Variants in CALN1 observed in about 807,000 individuals in gnomAD.
CALN1 encodes calcium-binding protein 8.
In CALN1, 17 loss-of-function variants were observed where a neutral mutation model predicts 30.6. The observed-to-expected ratio is 0.56, with a 90% CI of 0.38 to 0.83. CALN1 has a LOEUF of 0.83. Among genes scored for constraint, CALN1 ranks in the 40% least tolerant of loss-of-function variants. The pLI, the probability that CALN1 is intolerant of heterozygous loss-of-function variation, is 0.00. For missense variants in CALN1, 291 were observed against 354.9 expected (o/e 0.82, Z 1.45); for synonymous variants, 156 against 131.4 (o/e 1.19, Z -1.28).
At chr7:72,461,367 G>A in the CALN1 span, among the ~76,000 whole-genome samples, 2 of 152,138 alleles carry the variant, frequency 1.3e-5, no homozygotes, top group African/African-American at 4.8e-5. Flanking sequence ...TATGTTCATT[G>A]CAACACTATG....
intron 3 of CALN1, among the ~76,000 whole-genome samples, chr7:72,192,642 T>C (rs1790693047): frequency 2.5e-5 from 1 of 40,816 alleles, no homozygotes; most frequent in Non-Finnish European, 3.6e-5. Flanking sequence ...TTATTATTAT[T>C]ATTATTATTA....
intron 4 of CALN1, among the ~76,000 whole-genome samples, chr7:72,091,193 C>T (rs778039223): frequency 4.3e-4 from 66 of 152,132 alleles, no homozygotes; most frequent in Middle Eastern, 3.4e-3. Context: ...TTAGCCAGGC[C>T]TGGTGGTGCA....
intron 1 of CALN1, among the ~76,000 whole-genome samples, chr7:72,438,166 G>A (rs1808235202): frequency 6.6e-6 from 1 of 151,568 alleles, no homozygotes; most frequent in Admixed American, 6.6e-5. Flanking sequence ...ATTTTTTGTA[G>A]AGATGAGGTC....
At chr7:72,179,384 T>C (rs1056031351) in intron 3 of CALN1, among the ~76,000 whole-genome samples, 8 of 152,136 alleles carry the variant, frequency 5.3e-5, no homozygotes, top group Non-Finnish European at 7.4e-5. Context: ...CGCTGGCAAA[T>C]ACATCTGCCC....
intron 5 of CALN1, among the ~76,000 whole-genome samples, chr7:71,861,910 C>T (rs983657581): frequency 8.6e-5 from 13 of 151,984 alleles, no homozygotes; most frequent in African/African-American, 2.9e-4. Flanking sequence ...TTAGAGAATT[C>T]CAGGGCTGCC....
intron 6 of CALN1, among the ~76,000 whole-genome samples, chr7:71,798,594 C>A (rs1223197899): frequency 6.6e-6 from 1 of 151,472 alleles, no homozygotes; most frequent in Admixed American, 6.6e-5. Context: ...GTGTGAGCCA[C>A]CACGCCTGGC....
the CALN1 span, among the ~76,000 whole-genome samples, chr7:72,499,774 T>TTTCC: frequency 2.1e-3 from 253 of 118,698 alleles, 16 homozygotes; most frequent in Middle Eastern, 4.1e-3. Flanking sequence ...ACTTTCTTTC[T>TTTCC]TTCCTTCCTT....
At chr7:72,499,767 TTC>T in the CALN1 span, among the ~76,000 whole-genome samples, 3,342 of 136,504 alleles carry the variant, frequency 0.024, 132 homozygotes, top group African/African-American at 0.077. Flanking sequence ...CCGCAAAACT[TTC>T]TTTCTTTCCT....
At chr7:71,842,385 G>T (rs1252038763) in intron 5 of CALN1, among the ~76,000 whole-genome samples, 1 of 152,204 alleles carries the variant, frequency 6.6e-6, no homozygotes, top group Non-Finnish European at 1.5e-5. Flanking sequence ...GTTGATCGCT[G>T]CCGTTTTGTC....
At chr7:72,145,343 C>T (rs1786619887) in intron 3 of CALN1, among the ~76,000 whole-genome samples, 2 of 152,256 alleles carry the variant, frequency 1.3e-5, no homozygotes, top group African/African-American at 4.8e-5. Flanking sequence ...CTATAAACAC[C>T]TCTACACAAA....
intron 6 of CALN1, among the ~76,000 whole-genome samples, chr7:71,804,760 G>A (rs1222198060): frequency 1.3e-5 from 2 of 152,112 alleles, no homozygotes; most frequent in South Asian, 2.1e-4. Context: ...TCAGGAGTTC[G>A]AGACCAGCCT....
intron 4 of CALN1, among the ~76,000 whole-genome samples, chr7:72,029,729 G>A (rs1212451286): frequency 3.9e-5 from 6 of 152,216 alleles, no homozygotes; most frequent in South Asian, 2.1e-4. Flanking sequence ...ATGCTGGGAG[G>A]ATGGAGCTCT....
chr7:72,288,919 C>T (rs1445722830), intron 2 of CALN1, among the ~76,000 whole-genome samples: 3 of 152,122 alleles, frequency 2.0e-5, no homozygotes, highest in African/African-American at 7.2e-5. Flanking sequence ...ATTTTCTGCT[C>T]ATCATTGGTT....
intron 1 of CALN1, among the ~76,000 whole-genome samples, chr7:72,408,156 G>C: frequency 6.6e-6 from 1 of 151,848 alleles, no homozygotes; most frequent in East Asian, 1.9e-4. Context: ...CCGTAGGCCT[G>C]GCATGGAGGC....
chr7:72,214,677 C>A (rs949515631), intron 3 of CALN1, among the ~76,000 whole-genome samples: 21 of 151,876 alleles, frequency 1.4e-4, no homozygotes, highest in African/African-American at 4.8e-4. Flanking sequence ...CAGGCAGTGA[C>A]CTATTAGGAG....
chr7:71,867,900 GTT>G (rs1313332375), intron 5 of CALN1, among the ~76,000 whole-genome samples: 3 of 152,148 alleles, frequency 2.0e-5, no homozygotes, highest in Non-Finnish European at 2.9e-5. Flanking sequence ...CTCTGACTCA[GTT>G]CTTACTTATT....
intron 3 of CALN1, among the ~76,000 whole-genome samples, chr7:72,273,264 T>C (rs1244110902): frequency 6.6e-6 from 1 of 151,766 alleles, no homozygotes; most frequent in East Asian, 1.9e-4. Flanking sequence ...TCTACTAAAA[T>C]TACAAAAATT....
intron 5 of CALN1, among the ~76,000 whole-genome samples, chr7:71,891,611 A>G (rs964414175): frequency 8.5e-5 from 13 of 152,224 alleles, no homozygotes; most frequent in African/African-American, 2.9e-4. Context: ...TGAGAGAACT[A>G]AAAGTATCAG....
At chr7:72,197,031 A>G (rs1278938427) in intron 3 of CALN1, among the ~76,000 whole-genome samples, 1 of 152,152 alleles carries the variant, frequency 6.6e-6, no homozygotes, top group East Asian at 1.9e-4. Flanking sequence ...GAATGGATGC[A>G]CTTAAAACTA....
Sources: allele counts gnomAD v4.1 joint callset (sites outside exome capture counted in the v4.1 genomes callset), GRCh38; gene constraint gnomAD v4.1.1; transcripts MANE v1.5; gene names NCBI Gene and HGNC (gene_info 2026-07-23, HGNC 2026-07-21).